The following MRAP variants were observed in gnomAD, a reference collection of about 807,000 sequenced individuals.
The protein encoded by MRAP is melanocortin-2 receptor accessory protein.
A neutral mutation model predicts 8.7 loss-of-function variants in MRAP; 8 were observed. The ratio of observed to expected loss-of-function variants is 0.92; its 90% CI spans 0.54 to 1.66. The LOEUF is 1.66. Among genes scored for constraint, MRAP ranks in the 40% most tolerant of loss-of-function variants. The pLI, the probability that MRAP is intolerant of heterozygous loss-of-function variation, is 0.00. For synonymous variants in MRAP, 95 were observed against 95.5 expected (o/e 1.00, Z 0.03); for missense variants, 237 against 217.1 (o/e 1.09, Z -0.58).
intron 2 of MRAP, 89 bp from the exon 3 acceptor site, chr21:32,311,595 G>C: frequency 6.5e-7 from 1 of 1,534,624 alleles, no homozygotes; most frequent in Non-Finnish European, 8.8e-7. Flanking sequence ...CGGGCAGATG[G>C]CAGGTGTGGC....
At chr21:32,298,561 A>T (rs1428869943), upstream of MRAP, among the ~76,000 whole-genome samples, 1 of 152,050 alleles carries the variant, frequency 6.6e-6, no homozygotes, top group South Asian at 2.1e-4. Context: ...GGTTCTTTTA[A>T]CTTTTCAAGT....
chr21:32,301,579 G>A (rs1408455097), intron 1 of MRAP, among the ~76,000 whole-genome samples: 1 of 152,180 alleles, frequency 6.6e-6, no homozygotes, highest in East Asian at 1.9e-4. Context: ...CCGAGGCTAA[G>A]CTTAGAAGAA....
At chr21:32,303,201 C>T (rs2032330451) in intron 1 of MRAP, among the ~76,000 whole-genome samples, 1 of 152,046 alleles carries the variant, frequency 6.6e-6, no homozygotes, top group Non-Finnish European at 1.5e-5. Context: ...CCAGGCTGGT[C>T]TCGAACTCCT....
intron 1 of MRAP, 44 bp downstream of exon 1, chr21:32,299,121 C>T (rs769966643): frequency 9.8e-6 from 15 of 1,523,784 alleles, no homozygotes; most frequent in East Asian, 2.3e-5. Context: ...GGCTGGGGGC[C>T]GGGGCCCAAA....
In MRAP at chr21:32,311,711, C is replaced by G. The variant is rs79126334; in HGVS notation, c.234C>G (p.Cys78Trp). Residue 78 changes from cysteine to tryptophan, a missense_variant, in exon 3 of 3, where the codon TGC becomes TGG. Physicochemically the swap from Cys to Trp is radical, Grantham distance 215. Coordinates refer to ENST00000303645, the MANE Select transcript of MRAP (RefSeq NM_001379228.1). Reference sequence around the variant, plus strand: ...ACAGCCCCAAGCACCACCAAACATGCCCCTGGAGTCACGGCCTCAACCTCC... The same window carrying G: ...ACAGCCCCAAGCACCACCAAACATGGCCCTGGAGTCACGGCCTCAACCTCC... ...MRNSPKHHQT[C>W]PWSHGLNLHL... 4,513 of 1,613,984 alleles carry G rather than the reference C, an allele frequency of 2.8e-3. 140 individuals carry two copies. In the African/African-American group the frequency reaches 0.054, roughly 19 times the overall value.
At chr21:32,309,858 G>A (rs750877445) in intron 2 of MRAP, among the ~76,000 whole-genome samples, 4 of 151,800 alleles carry the variant, frequency 2.6e-5, no homozygotes, top group East Asian at 3.9e-4. Flanking sequence ...CAAGAGAATC[G>A]CTTGAACCTG....
rs772459845 is a variant in MRAP, at chr21:32,299,094, G to A, written c.106+17G>A. 1.9e-6 allele frequency: 3 copies of A among 1,603,560 alleles called. No individual in the cohort carries two copies. In the African/African-American group the frequency reaches 4.0e-5, roughly 21 times the overall value. ...CCCACAAACGTAAGTCTGAACTAGG[G>A]AAGCCGGTCAGACAGAGGCTGGGGG... On this transcript the variant is annotated intron_variant, in intron 1 of 2. Transcript: ENST00000303645.
In MRAP at chr21:32,306,624, T is replaced by A; in HGVS notation, c.107-16T>A. The A allele has an allele frequency of 2.5e-6, 4 of 1,611,994 alleles. No individual in the cohort carries two copies. The highest frequency in any genetic ancestry group is 3.4e-6 in the Non-Finnish European group (4 of 1,178,142). ...TGACATAACCCAGCGCTGAGATGCA[T>A]CTCCTCCTCCCGCAGATTCCATCGT... On this transcript the variant is annotated splice_polypyrimidine_tract_variant and intron_variant, in intron 1 of 2. Coordinates refer to ENST00000303645, the MANE Select transcript of MRAP (RefSeq NM_001379228.1).
chr21:32,314,729 C>A (rs993267256), downstream of MRAP: 3 of 1,509,956 alleles, frequency 2.0e-6, no homozygotes, highest in African/African-American at 1.4e-5. Context: ...CCTACAGGCC[C>A]GAGTTTATCA....
intron 1 of MRAP, among the ~76,000 whole-genome samples, chr21:32,302,593 C>T (rs1488320664): frequency 6.6e-6 from 1 of 152,218 alleles, no homozygotes; most frequent in Non-Finnish European, 1.5e-5. Context: ...GAGGTGGCTC[C>T]ATGGAGTCCT....
chr21:32,292,367 A>C (rs1324709200), intron 1 of MRAP, among the ~76,000 whole-genome samples: 2 of 152,230 alleles, frequency 1.3e-5, no homozygotes, highest in Non-Finnish European at 2.9e-5. Context: ...AAATGTTGAA[A>C]TTATCTATGA....
chr21:32,309,817 C>T (rs2032513182), intron 2 of MRAP, among the ~76,000 whole-genome samples: 1 of 151,376 alleles, frequency 6.6e-6, no homozygotes, highest in South Asian at 2.1e-4. Flanking sequence ...GTGGCCGGTG[C>T]CTGTAATCCC....
In MRAP at chr21:32,311,708, A is replaced by G. The variant is rs757260658; in HGVS notation, c.231A>G (p.Thr77=). ...GGAACAGCCCCAAGCACCACCAAAC[A>G]TGCCCCTGGAGTCACGGCCTCAACC... is the stretch of plus-strand genomic sequence containing the variant. ...QMRNSPKHHQ[T]CPWSHGLNLH... Residue 77 remains threonine (T), a synonymous_variant, in exon 3 of 3, where the codon ACA becomes ACG. Coordinates refer to ENST00000303645, the MANE Select transcript of MRAP (RefSeq NM_001379228.1). The G allele has an allele frequency of 6.2e-7, 1 of 1,613,814 alleles. No individual in the cohort carries two copies. The highest frequency in any genetic ancestry group is 1.3e-5 in the African/African-American group (1 of 74,912).
At chr21:32,313,196 G>GA (rs904322944), downstream of MRAP, 4 of 152,288 alleles carry the variant, frequency 2.6e-5, no homozygotes, top group African/African-American at 9.7e-5. Context: ...TGAAGCCGTG[G>GA]AAATCCACCC....
At chr21:32,299,999 C>G (rs561043757) in intron 1 of MRAP, among the ~76,000 whole-genome samples, 1 of 152,166 alleles carries the variant, frequency 6.6e-6, no homozygotes, top group East Asian at 1.9e-4. Context: ...AAAACAAAGC[C>G]TGGGAAGATT....
At chr21:32,306,199 A>C (rs1313753671) in intron 1 of MRAP, among the ~76,000 whole-genome samples, 1 of 152,006 alleles carries the variant, frequency 6.6e-6, no homozygotes, top group African/African-American at 2.4e-5. Context: ...GGGGTCTCTG[A>C]AGCTGTTCCA....
intron 1 of MRAP, among the ~76,000 whole-genome samples, 199 bp downstream of exon 1, chr21:32,299,276 T>C (rs1179183738): frequency 6.6e-6 from 1 of 152,216 alleles, no homozygotes; most frequent in Non-Finnish European, 1.5e-5. Context: ...TGTAATAAGC[T>C]TGGAATTAAC....
Position 32,298,937 on chromosome 21 carries a change from G to A in MRAP, c.-35G>A. 1 of 1,527,220 alleles carries A rather than the reference G, an allele frequency of 6.5e-7. No homozygotes were observed. Among genetic ancestry groups the A allele is most frequent in the South Asian group, 1.1e-5 (1 of 88,996 alleles). The allele number at this position is 1,527,220 out of a possible 1,614,324, so 94.6% of individuals were successfully genotyped here. A position where few individuals can be genotyped will look rare whatever the true frequency, so the allele number is the denominator to read the frequency against. On this transcript the variant is annotated 5_prime_UTR_variant, in exon 1 of 3. Coordinates refer to ENST00000303645, the MANE Select transcript of MRAP (RefSeq NM_001379228.1). ...TTGGCGCCTGGCTCGAGGCGAGGCT[G>A]CCGGCCCGGACGCTGACTGCCCAGT...
chr21:32,296,719 G>T (rs972931036), upstream of MRAP, among the ~76,000 whole-genome samples: 7 of 152,036 alleles, frequency 4.6e-5, no homozygotes, highest in African/African-American at 1.7e-4. Flanking sequence ...ATTAGTGTTA[G>T]ATATAAACAT....
Sources: allele counts gnomAD v4.1 joint callset (sites outside exome capture counted in the v4.1 genomes callset), GRCh38; gene constraint gnomAD v4.1.1; transcripts MANE v1.5; gene names NCBI Gene and HGNC (gene_info 2026-07-23, HGNC 2026-07-21).